The following ADA2 variants were observed in gnomAD, a reference collection of about 807,000 sequenced individuals.
ADA2 encodes adenosine deaminase 2, also known as adenosine deaminase CECR1.
ADA2 carries 29 observed loss-of-function variants against 44.2 expected under a neutral mutation model. The ratio of observed to expected loss-of-function variants is 0.66; its 90% CI spans 0.49 to 0.89. The LOEUF is 0.89. Ranked by LOEUF, ADA2 falls within the 40% of genes least tolerant of loss-of-function variation. The pLI, the probability that ADA2 is intolerant of heterozygous loss-of-function variation, is 0.00. For synonymous variants in ADA2, 215 were observed against 234.9 expected (o/e 0.92, Z 0.77); for missense variants, 637 against 644.8 (o/e 0.99, Z 0.13).
intron 7 of ADA2, among the ~76,000 whole-genome samples, chr22:17,185,100 ATTTC>A (rs996656906): frequency 1.5e-4 from 23 of 148,546 alleles, no homozygotes; most frequent in African/African-American, 5.5e-4. Flanking sequence ...GTTTTTAAAG[ATTTC>A]TTTTTCTTTT....
In ADA2 at chr22:17,199,590, A is replaced by G. The variant is rs1239900431; in HGVS notation, c.753+3973T>C. The G allele has an allele frequency of 3.1e-6, 5 of 1,613,770 alleles. No homozygotes were observed. The African/African-American group carries it at 5.3e-5, about 17-fold the overall frequency. On this transcript the variant is annotated intron_variant, in intron 4 of 9. Transcript: ENST00000399837. ...TCCAGGGAATCCATCTCCCCTCCGGAAAAAGGAAAATTGAAGCCAGATGCT... is the reference window on the plus strand; with the variant it reads ...TCCAGGGAATCCATCTCCCCTCCGGGAAAAGGAAAATTGAAGCCAGATGCT...
rs759067288 is a variant in ADA2 at position 17,209,561 on chromosome 22, C to A, written c.117G>T (p.Leu39Phe). The change falls in exon 2 of 10, where the codon TTG becomes TTT. Residue 39 changes from leucine (L) to phenylalanine (F), a missense_variant. Coordinates refer to ENST00000399837, the MANE Select transcript of ADA2 (RefSeq NM_001282225.2). ...CCCCCAGCCGCATCATCTTTTCTTT[C>A]AACAACAGATGCGCCCGTGTTTCAT... ...SIDETRAHLL[L>F]KEKMMRLGGR... The A allele has an allele frequency of 1.2e-6, 2 of 1,614,120 alleles. No homozygotes were observed. Among genetic ancestry groups the A allele is most frequent in the South Asian group, 2.2e-5 (2 of 91,080 alleles).
chr22:17,215,022 C>T (rs1215950327), intron 1 of ADA2, among the ~76,000 whole-genome samples: 1 of 152,200 alleles, frequency 6.6e-6, no homozygotes, highest in Non-Finnish European at 1.5e-5. Context: ...CCAGTACAAA[C>T]AGACATGGGT....
Position 17,209,684 on chromosome 22 carries a change from G to C in ADA2, c.-7C>G, listed in dbSNP as rs151000405. 9.4e-5 allele frequency: 151 copies of C among 1,608,784 alleles called. No homozygotes were observed. Among genetic ancestry groups the C allele is most frequent in the Non-Finnish European group, 1.2e-4 (146 of 1,178,210 alleles). ...ATGGGCCATCCACCAACATCGGGAT[G>C]CCTGGACTAGGAAAGGGCTCAGATG... On this transcript the variant is annotated 5_prime_UTR_variant, in exon 2 of 10. Coordinates refer to ENST00000399837, the MANE Select transcript of ADA2 (RefSeq NM_001282225.2).
intron 4 of ADA2, chr22:17,199,433 T>TATCCTCTTCCCCTCCCTCCCCTCCACA: frequency 5.1e-6 from 5 of 978,030 alleles, no homozygotes; most frequent in Admixed American, 1.7e-5. Flanking sequence ...TCCCCTCCTC[T>TATCCTCTTCCCCTCCCTCCCCTCCACA]ATCCTCTTCC....
intron 6 of ADA2, 70 bp downstream of exon 6, chr22:17,189,872 C>A: frequency 8.7e-7 from 1 of 1,143,152 alleles, no homozygotes; most frequent in Non-Finnish European, 1.3e-6. Context: ...AGGGAGTTGC[C>A]GCTCCACCCA....
At chr22:17,220,269 G>A (rs1601474896), upstream of ADA2, among the ~76,000 whole-genome samples, 1 of 152,252 alleles carries the variant, frequency 6.6e-6, no homozygotes, top group East Asian at 1.9e-4. Flanking sequence ...AAGAGCTGGG[G>A]TGTGAAGAGG....
intron 1 of ADA2, among the ~76,000 whole-genome samples, chr22:17,216,771 A>AACACAC (rs1555888343): frequency 3.0e-5 from 4 of 135,074 alleles, no homozygotes; most frequent in South Asian, 2.3e-4. Context: ...AAAAAAAAAA[A>AACACAC]ACACACACAC....
chr22:17,214,182 G>A, intron 1 of ADA2: 3 of 622,110 alleles, frequency 4.8e-6, no homozygotes, highest in East Asian at 3.8e-5. Flanking sequence ...GTAGGGAGCA[G>A]CATCGAGGGT....
At chr22:17,221,722 CT>C (rs1205875696), upstream of ADA2, 1 of 152,326 alleles carries the variant, frequency 6.6e-6, no homozygotes, top group Non-Finnish European at 1.5e-5. Flanking sequence ...GCTGGGCACA[CT>C]TACCTGGATG....
intron 6 of ADA2, among the ~76,000 whole-genome samples, chr22:17,189,366 C>T (rs1544504): frequency 0.56 from 85,687 of 151,854 alleles, 24,433 homozygotes; most frequent in East Asian, 0.78. Context: ...GGTTGTGCTT[C>T]GATTTGGTGG....
At chr22:17,216,740 C>T (rs946060417) in intron 1 of ADA2, among the ~76,000 whole-genome samples, 1 of 144,422 alleles carries the variant, frequency 6.9e-6, no homozygotes, top group African/African-American at 2.6e-5. Flanking sequence ...AGCCCGGCAA[C>T]AGAGCAAGAC....
chr22:17,188,350 G>A lies in ADA2; in HGVS notation c.1070C>T (p.Ala357Val), dbSNP rs767072492. 1 of 1,613,406 alleles carries A rather than the reference G, an allele frequency of 6.2e-7. No individual in the cohort carries two copies. Among genetic ancestry groups the A allele is most frequent in the South Asian group, 1.1e-5 (1 of 91,066 alleles). The change falls in exon 7 of 10, where the codon GCC becomes GTC. Residue 357 changes from alanine to valine, a missense_variant. Ala to Val is a moderately conservative substitution (Grantham distance 64, BLOSUM62 0). Coordinates refer to ENST00000399837, the MANE Select transcript of ADA2 (RefSeq NM_001282225.2). ...TCCCGCAGGCTCACCTGTTTCTCCG[G>A]CGTGGAAGAAGTAAGGCAGCTTAAC... ...DGVKLPYFFH[A>V]GETDWQGTSI...
At chr22:17,213,481 G>C (rs1015010815) in intron 1 of ADA2, 2 of 226,792 alleles carry the variant, frequency 8.8e-6, no homozygotes, top group African/African-American at 2.4e-5. Flanking sequence ...AACGTGGCAA[G>C]TCCATCTACC....
intron 4 of ADA2, among the ~76,000 whole-genome samples, chr22:17,201,404 C>A (rs1076106): frequency 0.74 from 112,453 of 152,018 alleles, 42,221 homozygotes; most frequent in African/African-American, 0.84. Context: ...CGTATAAAAG[C>A]CTACAGAATA....
intron 1 of ADA2, among the ~76,000 whole-genome samples, chr22:17,216,767 AAAAAACAC>A (rs1396601010): frequency 5.8e-5 from 6 of 103,388 alleles, no homozygotes; most frequent in Non-Finnish European, 1.1e-4. Context: ...TCAAAAAAAA[AAAAAACAC>A]ACACACACAC....
intron 4 of ADA2, among the ~76,000 whole-genome samples, chr22:17,199,371 A>G (rs557300400): frequency 6.6e-6 from 1 of 151,974 alleles, no homozygotes; most frequent in East Asian, 1.9e-4. Flanking sequence ...CTTCTCCCAC[A>G]TGCCTCCCCA....
intron 1 of ADA2, among the ~76,000 whole-genome samples, chr22:17,215,242 A>G (rs2062458024): frequency 6.6e-6 from 1 of 152,392 alleles, no homozygotes; most frequent in Non-Finnish European, 1.5e-5. Flanking sequence ...AGCAGAAGCC[A>G]GTTATTTAAA....
At chr22:17,193,721 G>A (rs2062153985) in intron 4 of ADA2, among the ~76,000 whole-genome samples, 1 of 151,358 alleles carries the variant, frequency 6.6e-6, no homozygotes. Context: ...CAGAGACTGT[G>A]GGGTGAAGGA....
Sources: allele counts gnomAD v4.1 joint callset (sites outside exome capture counted in the v4.1 genomes callset), GRCh38; gene constraint gnomAD v4.1.1; transcripts MANE v1.5; gene names NCBI Gene and HGNC (gene_info 2026-07-23, HGNC 2026-07-21).